Variants in PALLD observed in about 807,000 individuals in gnomAD.
PALLD encodes the protein palladin, cytoskeletal associated protein.
Under a neutral mutation model 123.5 loss-of-function variants are expected in PALLD, and 61 were observed. The observed-to-expected ratio is 0.49, with a 90% CI of 0.40 to 0.61. PALLD has a LOEUF of 0.61. Among genes scored for constraint, PALLD ranks in the 20% least tolerant of loss-of-function variants. The pLI is 0.00. For synonymous variants in PALLD, 465 were observed against 496.4 expected (o/e 0.94, Z 0.84); for missense variants, 1,273 against 1,377.0 (o/e 0.92, Z 1.20).
At chr4:168,908,052 T>C (rs566052272) in intron 15 of PALLD, among the ~76,000 whole-genome samples, 86 of 152,314 alleles carry the variant, frequency 5.6e-4, no homozygotes, top group African/African-American at 1.9e-3. Flanking sequence ...TAAATGTATA[T>C]ATCCCACTGA....
Position 168,527,797 on chromosome 4 carries a change from C to T in PALLD, c.908+15385C>T, listed in dbSNP as rs368729745. ...ACTAGAACAGACTCCTTCAGGTTTC[C>T]GGTTGGGCTAAGTCCTGGAGGGCCC... On this transcript the variant is annotated intron_variant, in intron 2 of 21. Coordinates refer to ENST00000505667, the MANE Select transcript of PALLD (RefSeq NM_001166108.2). Among the ~76,000 whole-genome samples, 287 of 152,172 alleles carry T rather than the reference C, an allele frequency of 1.9e-3. 1 individual carries two copies. The highest frequency in any genetic ancestry group is 6.4e-3 in the African/African-American group (265 of 41,520).
chr4:168,532,060 T>C (rs755476696), intron 2 of PALLD, among the ~76,000 whole-genome samples: 17 of 152,194 alleles, frequency 1.1e-4, no homozygotes, highest in Non-Finnish European at 2.4e-4. Flanking sequence ...ACCCATTAGT[T>C]ATTTTTCCTG....
chr4:168,653,140 C>T (rs972449260), intron 2 of PALLD, among the ~76,000 whole-genome samples: 10 of 152,174 alleles, frequency 6.6e-5, no homozygotes, highest in African/African-American at 2.2e-4. Flanking sequence ...CCATTTTGAT[C>T]TATTTCATCT....
At chr4:168,751,852 G>A (rs2150388631) in intron 10 of PALLD, among the ~76,000 whole-genome samples, 1 of 152,282 alleles carries the variant, frequency 6.6e-6, no homozygotes, top group Middle Eastern at 3.4e-3. Context: ...TAGAGGGACA[G>A]GACATAAGGA....
intron 2 of PALLD, among the ~76,000 whole-genome samples, chr4:168,533,411 T>C (rs1326480043): frequency 6.6e-6 from 1 of 152,152 alleles, no homozygotes; most frequent in Non-Finnish European, 1.5e-5. Context: ...GTTTTGAAGA[T>C]ATTTTTCATG....
At chr4:168,837,624 C>A (rs984432558) in intron 10 of PALLD, among the ~76,000 whole-genome samples, 5 of 152,142 alleles carry the variant, frequency 3.3e-5, no homozygotes, top group Admixed American at 3.3e-4. Flanking sequence ...TCATTTAATC[C>A]TCACCACAAT....
chr4:168,577,094 G>A (rs1769693907), intron 2 of PALLD, among the ~76,000 whole-genome samples: 1 of 152,158 alleles, frequency 6.6e-6, no homozygotes, highest in Admixed American at 6.6e-5. Flanking sequence ...CTCCAGCACA[G>A]CCATAAGGTG....
chr4:168,863,930 C>T (rs4441723), intron 10 of PALLD: 142,298 of 152,340 alleles, frequency 0.93, 66,555 homozygotes, highest in East Asian at 1. Context: ...ATTAGAGATA[C>T]GCTTTTCTTT....
intron 18 of PALLD, among the ~76,000 whole-genome samples, chr4:168,923,826 G>T (rs1023928271): frequency 2.0e-5 from 3 of 152,112 alleles, no homozygotes; most frequent in African/African-American, 7.2e-5. Flanking sequence ...CATGGCAAAC[G>T]GCAGTGAGGG....
chr4:168,661,204 G>A (rs191430399), intron 2 of PALLD, among the ~76,000 whole-genome samples: 1 of 152,242 alleles, frequency 6.6e-6, no homozygotes, highest in Admixed American at 6.5e-5. Context: ...ACCATGCCTG[G>A]TGCAATACAG....
At chr4:168,630,303 G>GA (rs1775692509) in intron 2 of PALLD, among the ~76,000 whole-genome samples, 1 of 151,884 alleles carries the variant, frequency 6.6e-6, no homozygotes, top group African/African-American at 2.4e-5. Context: ...AAGTGTAGAG[G>GA]AAAAAAATAA....
intron 10 of PALLD, among the ~76,000 whole-genome samples, chr4:168,881,834 A>G (rs1392779582): frequency 6.6e-6 from 1 of 152,134 alleles, no homozygotes; most frequent in Non-Finnish European, 1.5e-5. Context: ...AATCAGCCCT[A>G]AGACACAGAA....
intron 10 of PALLD, among the ~76,000 whole-genome samples, chr4:168,782,746 TA>T (rs111654941): frequency 3.0e-4 from 44 of 145,060 alleles, no homozygotes; most frequent in South Asian, 6.6e-4. Flanking sequence ...CTGTCTTTAC[TA>T]AAAAAAAAAA....
chr4:168,833,623 C>T (rs867305616), intron 10 of PALLD, among the ~76,000 whole-genome samples: 11 of 152,152 alleles, frequency 7.2e-5, no homozygotes, highest in African/African-American at 2.4e-4. Flanking sequence ...GTTATGCAGG[C>T]TCCTGTCAGG....
chr4:168,843,371 TACTCC>T (rs33962006), intron 10 of PALLD, among the ~76,000 whole-genome samples: 105,486 of 151,506 alleles, frequency 0.7, 38,416 homozygotes, highest in African/African-American at 0.9. Flanking sequence ...GTTTACCTAA[TACTCC>T]TTAAAAGGAG....
intron 10 of PALLD, among the ~76,000 whole-genome samples, chr4:168,740,999 A>G (rs925259989): frequency 2.0e-5 from 3 of 152,242 alleles, no homozygotes; most frequent in Admixed American, 6.5e-5. Flanking sequence ...TCAAAATAGT[A>G]TCTTGAAGGA....
At chr4:168,925,483 C>T in intron 21 of PALLD, 1 of 570,702 alleles carries the variant, frequency 1.8e-6, no homozygotes, top group Admixed American at 3.0e-5. Flanking sequence ...TCGCAGTGTC[C>T]TAATGCACTC....
At chr4:168,721,771 A>G (rs978562926) in intron 10 of PALLD, among the ~76,000 whole-genome samples, 2 of 152,210 alleles carry the variant, frequency 1.3e-5, no homozygotes, top group African/African-American at 4.8e-5. Flanking sequence ...TTTTGAGCAC[A>G]TTCAGAAGTG....
rs771616878 is a variant in PALLD at position 168,512,204 on chromosome 4, G to A, written c.700G>A (p.Val234Ile). The A allele has an allele frequency of 4.3e-6, 7 of 1,613,724 alleles. No homozygotes were observed. The South Asian group carries it at 5.5e-5, about 13-fold the overall frequency. The stretch of plus-strand genomic sequence containing the variant: ...AGACCAAGGGGAGATGGAAAGAGAG[G>A]TCAAGTCCCCTGGGGCCAGGCATTG... ...MEDQGEMERE[V>I]KSPGARHCYQ... The change falls in exon 2 of 22, where the codon GTC becomes ATC. Residue 234 changes from valine to isoleucine, a missense_variant. Around this residue, in one of 2 missense-constraint regions of PALLD, gnomAD observed 944 missense variants for 954.5 expected, o/e 0.99. Transcript: ENST00000505667.
Sources: allele counts gnomAD v4.1 joint callset (sites outside exome capture counted in the v4.1 genomes callset), GRCh38; gene constraint gnomAD v4.1.1; regional missense constraint gnomAD v4.1.1; transcripts MANE v1.5; gene names NCBI Gene and HGNC (gene_info 2026-07-23, HGNC 2026-07-21).